Variants in CUBN observed in about 807,000 individuals in gnomAD.
CUBN encodes 460 kDa receptor.
CUBN carries 282 observed loss-of-function variants against 405.3 expected under a neutral mutation model. That is an observed-to-expected ratio of 0.70 (90% CI 0.63 to 0.77). The LOEUF (loss-of-function observed/expected upper bound fraction) is 0.77. CUBN is among the 30% of genes least tolerant of loss of function. CUBN has a pLI of 0.00. For missense variants in CUBN, 4,514 were observed against 4,475.2 expected, an observed-to-expected ratio of 1.01 and a Z score of -0.25; for synonymous variants, 1,684 against 1,617.0, an observed-to-expected ratio of 1.04 and a Z score of -0.99.
chr10:17,068,330 G>T, intron 20 of CUBN, 50 bp from the exon 21 acceptor site: 1 of 1,562,600 alleles, frequency 6.4e-7, no homozygotes, highest in Non-Finnish European at 8.8e-7. Flanking sequence ...AAGCTACCTG[G>T]ATTTCAAATT....
At chr10:16,970,177 C>T (rs1564453906) in intron 31 of CUBN, among the ~76,000 whole-genome samples, 1 of 152,232 alleles carries the variant, frequency 6.6e-6, no homozygotes, top group Non-Finnish European at 1.5e-5. Context: ...ACCCTGACCT[C>T]CTGACTTCAA....
chr10:16,857,007 C>T (rs1036326565), intron 59 of CUBN, among the ~76,000 whole-genome samples: 1 of 152,166 alleles, frequency 6.6e-6, no homozygotes. Context: ...GCTGCAGATA[C>T]ACAATTGCTC....
intron 28 of CUBN, among the ~76,000 whole-genome samples, chr10:17,012,025 C>T (rs896921206): frequency 9.2e-5 from 14 of 152,028 alleles, no homozygotes; most frequent in Admixed American, 2.0e-4. Flanking sequence ...AAGAAGGGGC[C>T]CTGAAGTTGT....
At chr10:17,057,861 G>A (rs1835427753) in intron 22 of CUBN, among the ~76,000 whole-genome samples, 2 of 152,098 alleles carry the variant, frequency 1.3e-5, no homozygotes, top group South Asian at 2.1e-4. Context: ...GGTGGCTCAC[G>A]CCTGTAATCC....
chr10:16,888,801 C>T (rs1239802036), intron 55 of CUBN, among the ~76,000 whole-genome samples: 1 of 151,928 alleles, frequency 6.6e-6, no homozygotes, highest in African/African-American at 2.4e-5. Context: ...ACTGAGTCCT[C>T]GTAATATTAC....
intron 19 of CUBN, 63 bp downstream of exon 19, chr10:17,071,363 C>T: frequency 6.6e-7 from 1 of 1,519,274 alleles, no homozygotes; most frequent in Non-Finnish European, 9.1e-7. Flanking sequence ...TTGAAGACAA[C>T]AACCCATAAT....
Position 16,988,688 on chromosome 10 carries a change from T to A in CUBN, c.4350+1646A>T, listed in dbSNP as rs531639551. Among the ~76,000 whole-genome samples, 11 of 152,298 alleles carry A rather than the reference T, an allele frequency of 7.2e-5. No individual in the cohort carries two copies. The South Asian group carries it at 1.5e-3, about 20-fold the overall frequency. On this transcript the variant is annotated intron_variant, in intron 29 of 66. Coordinates refer to ENST00000377833, the MANE Select transcript of CUBN (RefSeq NM_001081.4). ...TTCAAGGTAAGAACTTGTTTTATAA[T>A]TAAAGTTTTTGTTAAAGTTTCCTGT...
chr10:16,934,720 A>G (rs926625373), intron 39 of CUBN, among the ~76,000 whole-genome samples: 2 of 152,210 alleles, frequency 1.3e-5, no homozygotes, highest in African/African-American at 4.8e-5. Context: ...ACTATGAGCA[A>G]AAGGCATGTG....
chr10:16,921,061 ATTC>A (rs1425919867), intron 43 of CUBN, among the ~76,000 whole-genome samples: 143 of 152,298 alleles, frequency 9.4e-4, no homozygotes, highest in Admixed American at 1.7e-3. Context: ...CAAGCCATTC[ATTC>A]ATGGAAATTG....
chr10:16,969,508 C>T (rs1020352796), intron 31 of CUBN, among the ~76,000 whole-genome samples: 9 of 152,144 alleles, frequency 5.9e-5, no homozygotes, highest in African/African-American at 9.7e-5. Context: ...GTATGCACCA[C>T]AAAACCCAGC....
intron 27 of CUBN, among the ~76,000 whole-genome samples, chr10:17,025,986 A>T (rs1424202952): frequency 6.6e-6 from 1 of 152,154 alleles, no homozygotes; most frequent in Non-Finnish European, 1.5e-5. Flanking sequence ...GATAGAGTCC[A>T]CTGGCAAGCA....
intron 17 of CUBN, among the ~76,000 whole-genome samples, chr10:17,083,881 C>T (rs1410642935): frequency 1.3e-5 from 2 of 152,056 alleles, no homozygotes; most frequent in African/African-American, 2.4e-5. Flanking sequence ...AATCATTACC[C>T]ACACTTAAAT....
At chr10:17,066,305 A>T (rs969855272) in intron 21 of CUBN, among the ~76,000 whole-genome samples, 8 of 152,204 alleles carry the variant, frequency 5.3e-5, no homozygotes, top group African/African-American at 1.9e-4. Flanking sequence ...GTTGTGATAA[A>T]AGACAGAATG....
chr10:16,920,191 A>G (rs1480187161), intron 43 of CUBN, 54 bp from the exon 44 acceptor site: 13 of 1,542,768 alleles, frequency 8.4e-6, no homozygotes, highest in African/African-American at 2.7e-5. Flanking sequence ...GGATGCAGTC[A>G]ATGGCCACAA....
At chr10:17,008,914 G>A (rs1363190619) in intron 28 of CUBN, among the ~76,000 whole-genome samples, 2 of 152,058 alleles carry the variant, frequency 1.3e-5, no homozygotes, top group African/African-American at 2.4e-5. Flanking sequence ...TAGTGTCTGT[G>A]GAATGAACAA....
intron 28 of CUBN, among the ~76,000 whole-genome samples, chr10:17,015,777 G>C (rs1006967953): frequency 6.6e-6 from 1 of 152,152 alleles, no homozygotes; most frequent in African/African-American, 2.4e-5. Flanking sequence ...CATGGACGAG[G>C]GGGCGGCTTG....
At chr10:17,008,237 T>G (rs972504515) in intron 28 of CUBN, among the ~76,000 whole-genome samples, 7 of 136,428 alleles carry the variant, frequency 5.1e-5, no homozygotes, top group Non-Finnish European at 9.3e-5. Flanking sequence ...TGCCCGTGTG[T>G]GGTGTGTGTG....
intron 56 of CUBN, among the ~76,000 whole-genome samples, chr10:16,881,918 A>G (rs150697529): frequency 8.8e-4 from 134 of 152,348 alleles, no homozygotes; most frequent in African/African-American, 3.2e-3. Context: ...GATCAAAAAT[A>G]TCAGCCTGAT....
At chr10:17,012,817 AAG>A (rs780253066) in intron 28 of CUBN, among the ~76,000 whole-genome samples, 21 of 152,190 alleles carry the variant, frequency 1.4e-4, no homozygotes, top group Non-Finnish European at 2.5e-4. Flanking sequence ...CTGCTTCCAT[AAG>A]AGTTTCCTGA....
Sources: allele counts gnomAD v4.1 joint callset (sites outside exome capture counted in the v4.1 genomes callset), GRCh38; gene constraint gnomAD v4.1.1; transcripts MANE v1.5; gene names NCBI Gene and HGNC (gene_info 2026-07-23, HGNC 2026-07-21).